DPRX: variants seen among roughly 807,000 people sequenced by gnomAD.
DPRX encodes divergent paired-related homeobox.
A neutral mutation model predicts 8.4 loss-of-function variants in DPRX; 11 were observed. The observed-to-expected ratio is 1.31, with a 90% CI of 0.82 to 2.17. The LOEUF is 2.17. Ranked by LOEUF, DPRX falls within the 30% of genes most tolerant of loss-of-function variation. The pLI is 0.00. For missense variants in DPRX, 211 were observed against 236.7 expected (o/e 0.89, Z 0.71); for synonymous variants, 72 against 87.0 (o/e 0.83, Z 0.96).
chr19:53,602,265 T>TGGGGGG, the DPRX span: 3 of 342,762 alleles, frequency 8.8e-6, no homozygotes, highest in African/African-American at 8.3e-5. Flanking sequence ...TATATGGGTA[T>TGGGGGG]GGGTGTGTGT....
the DPRX span, among the ~76,000 whole-genome samples, chr19:53,607,595 T>C: frequency 2.0e-5 from 3 of 150,364 alleles, no homozygotes; most frequent in African/African-American, 7.3e-5. Context: ...TTCACACCTG[T>C]AATCCCAGCA....
the DPRX span, among the ~76,000 whole-genome samples, chr19:53,605,462 C>T: frequency 2.0e-5 from 3 of 151,352 alleles, no homozygotes; most frequent in South Asian, 2.1e-4. Context: ...CAGCAAGCTC[C>T]GCCTCCCACA....
At chr19:53,601,731 C>T in the DPRX span, among the ~76,000 whole-genome samples, 1 of 152,132 alleles carries the variant, frequency 6.6e-6, no homozygotes, top group Non-Finnish European at 1.5e-5. Flanking sequence ...ATCCACCCGC[C>T]TTGGCCTCCC....
At chr19:53,605,955 C>T in the DPRX span, among the ~76,000 whole-genome samples, 1 of 152,268 alleles carries the variant, frequency 6.6e-6, no homozygotes, top group African/African-American at 2.4e-5. Flanking sequence ...AGGCGTGAGC[C>T]ACTGAGCCTA....
chr19:53,612,669 G>A, the DPRX span, among the ~76,000 whole-genome samples: 2 of 151,826 alleles, frequency 1.3e-5, no homozygotes, highest in Admixed American at 1.3e-4. Context: ...ATTGTGCCAC[G>A]GCATTCCAGC....
chr19:53,619,953 C>T, the DPRX span, among the ~76,000 whole-genome samples: 2 of 151,932 alleles, frequency 1.3e-5, no homozygotes, highest in Non-Finnish European at 2.9e-5. Context: ...TACGCTTCCT[C>T]TTATCATCCC....
chr19:53,611,288 G>T, the DPRX span, among the ~76,000 whole-genome samples: 1 of 151,828 alleles, frequency 6.6e-6, no homozygotes, highest in East Asian at 1.9e-4. Flanking sequence ...TTTTTTTTGA[G>T]ACATGGTCTC....
chr19:53,613,587 T>C, the DPRX span, among the ~76,000 whole-genome samples: 2 of 151,590 alleles, frequency 1.3e-5, no homozygotes, highest in African/African-American at 4.8e-5. Context: ...CTCAAACTCC[T>C]GACCCCAAGG....
chr19:53,611,216 TA>T, the DPRX span, among the ~76,000 whole-genome samples: 1 of 151,654 alleles, frequency 6.6e-6, no homozygotes, highest in Non-Finnish European at 1.5e-5. Context: ...AGTGACCTTC[TA>T]AAAAAAACAA....
chr19:53,628,125 A>G (rs2091078157), upstream of DPRX, among the ~76,000 whole-genome samples: 1 of 152,034 alleles, frequency 6.6e-6, no homozygotes, highest in Non-Finnish European at 1.5e-5. Context: ...ATAAGGGGCA[A>G]AAGTATACCC....
At chr19:53,609,530 A>G in the DPRX span, among the ~76,000 whole-genome samples, 2 of 150,672 alleles carry the variant, frequency 1.3e-5, no homozygotes, top group South Asian at 4.2e-4. Context: ...AACCCCAAAC[A>G]TATAGAGCAA....
chr19:53,602,300 GTGTGTGT>G, the DPRX span: 3 of 334,894 alleles, frequency 9.0e-6, no homozygotes, highest in Non-Finnish European at 1.8e-5. Flanking sequence ...GTGTGTGTGT[GTGTGTGT>G]GTGTGCCAGC....
the DPRX span, among the ~76,000 whole-genome samples, chr19:53,605,129 C>T: frequency 6.6e-6 from 1 of 152,090 alleles, no homozygotes; most frequent in Non-Finnish European, 1.5e-5. Context: ...GCCTGGGCAA[C>T]ACAGACCCCC....
the DPRX span, among the ~76,000 whole-genome samples, chr19:53,609,187 G>A: frequency 6.6e-6 from 1 of 151,762 alleles, no homozygotes; most frequent in Non-Finnish European, 1.5e-5. Flanking sequence ...CAGACATATG[G>A]CTGGGTATTG....
the DPRX span, among the ~76,000 whole-genome samples, chr19:53,624,829 CA>C: frequency 1.9e-3 from 164 of 87,624 alleles, no homozygotes; most frequent in Middle Eastern, 6.0e-3. Context: ...GCGACAGTCA[CA>C]AAAAAAAAAA....
chr19:53,617,865 C>T, the DPRX span, among the ~76,000 whole-genome samples: 12 of 152,020 alleles, frequency 7.9e-5, no homozygotes, highest in Middle Eastern at 3.4e-3. Context: ...ACAAGCCAGG[C>T]GCGGTGGCTC....
the DPRX span, among the ~76,000 whole-genome samples, chr19:53,608,973 AAGG>A: frequency 6.4e-3 from 578 of 90,586 alleles, 14 homozygotes; most frequent in African/African-American, 0.014. Flanking sequence ...AAAAAAAAAA[AAGG>A]AAAGAAAAGA....
the DPRX span, among the ~76,000 whole-genome samples, chr19:53,611,407 A>G: frequency 6.6e-6 from 1 of 151,728 alleles, no homozygotes; most frequent in Non-Finnish European, 1.5e-5. Flanking sequence ...TAATTTTTGT[A>G]TTTTTGGTAC....
chr19:53,628,527 G>A (rs1205424283), upstream of DPRX, among the ~76,000 whole-genome samples: 1 of 151,850 alleles, frequency 6.6e-6, no homozygotes, highest in Non-Finnish European at 1.5e-5. Flanking sequence ...AAGCGGTTCG[G>A]TGGCATTTAG....
Sources: gnomAD v4.1 joint callset for allele counts (sites outside exome capture counted in the v4.1 genomes callset) on GRCh38, gnomAD v4.1.1 for gene constraint, MANE v1.5 for transcripts, NCBI Gene and HGNC (gene_info 2026-07-23, HGNC 2026-07-21) for gene names.